The following AGAP1 variants were observed in gnomAD, a reference collection of about 807,000 sequenced individuals.
AGAP1 encodes ArfGAP with GTPase domain, ankyrin repeat and PH domain 1.
A neutral mutation model predicts 105.3 loss-of-function variants in AGAP1; 29 were observed. The ratio of observed to expected loss-of-function variants is 0.28; its 90% confidence interval spans 0.21 to 0.38. AGAP1 has a LOEUF of 0.38. AGAP1 is among the 10% of genes least tolerant of loss of function. AGAP1 has a pLI of 1.00. For synonymous variants in AGAP1, 509 were observed against 485.9 expected, an observed-to-expected ratio of 1.05 and a Z score of -0.63; for missense variants, 998 against 1,165.1, an observed-to-expected ratio of 0.86 and a Z score of 2.09.
chr2:235,617,651 G>A (rs1022455159), intron 1 of AGAP1, among the ~76,000 whole-genome samples: 3 of 152,126 alleles, frequency 2.0e-5, no homozygotes, highest in Non-Finnish European at 4.4e-5. Flanking sequence ...GCAGTGAGCC[G>A]AGATCCCGCC....
chr2:235,630,757 A>T (rs917963038), intron 1 of AGAP1, among the ~76,000 whole-genome samples: 1 of 152,130 alleles, frequency 6.6e-6, no homozygotes, highest in African/African-American at 2.4e-5. Context: ...GTGCAGGTAC[A>T]TTTGTCCTTC....
intron 6 of AGAP1, among the ~76,000 whole-genome samples, chr2:235,785,405 T>C (rs1471348126): frequency 6.6e-6 from 1 of 152,230 alleles, no homozygotes; most frequent in African/African-American, 2.4e-5. Context: ...AGAAAACCAA[T>C]TATTGCACTT....
chr2:235,643,633 AC>A (rs891455142), intron 1 of AGAP1, among the ~76,000 whole-genome samples: 14 of 151,356 alleles, frequency 9.2e-5, no homozygotes, highest in Admixed American at 8.6e-4. Flanking sequence ...GAGCCCCCAA[AC>A]ATCTCCCCTG....
Position 235,750,359 on chromosome 2 carries a change from A to T in AGAP1, c.544A>T (p.Ile182Leu), listed in dbSNP as rs553582318. Residue 182 changes from isoleucine to leucine, a missense_variant, in exon 6 of 18, where the codon ATA (isoleucine) becomes TTA (leucine). Ile to Leu is a conservative substitution (Grantham distance 5). Coordinates refer to ENST00000304032, the MANE Select transcript of AGAP1 (RefSeq NM_001037131.3). The surrounding 1 kb of genome is among the most constrained non-coding windows in gnomAD (Gnocchi z 5.3). ...PLVLVGTQDA[I>L]SSANPRVIDD... ...TTTTTGGTCTTCTGTTCCAGATGCCATAAGTTCTGCTAACCCGAGGGTCAT... is the reference window on the plus strand; with the variant it reads ...TTTTTGGTCTTCTGTTCCAGATGCCTTAAGTTCTGCTAACCCGAGGGTCAT... 1 of 1,614,188 alleles carries T rather than the reference A, an allele frequency of 6.2e-7. No individual in the cohort carries two copies. Among genetic ancestry groups the T allele is most frequent in the South Asian group, 1.1e-5 (1 of 91,082 alleles).
At chr2:235,520,699 C>G (rs560794445) in intron 1 of AGAP1, among the ~76,000 whole-genome samples, 19 of 152,208 alleles carry the variant, frequency 1.2e-4, no homozygotes, top group African/African-American at 4.1e-4. Flanking sequence ...TGAGATAATT[C>G]TATGAAGAGT....
Position 235,734,634 on chromosome 2 carries a change from A to G in AGAP1, c.311-6329A>G, listed in dbSNP as rs1346842192. ...TGTCTGTCTTTTTAGTTTCCTAAGC[A>G]CAGTGATGATTATTGGAGCTAAAGA... On this transcript the variant is annotated intron_variant, in intron 3 of 17. Transcript: ENST00000304032. The surrounding 1 kb of genome is among the most constrained non-coding windows in gnomAD (Gnocchi z 5.3). Among the ~76,000 whole-genome samples the G allele has an allele frequency of 1.3e-5, 2 of 152,212 alleles. No individual in the cohort carries two copies. Among genetic ancestry groups the G allele is most frequent in the African/African-American group, 2.4e-5 (1 of 41,448 alleles).
At chr2:236,033,767 G>C (rs996782563) in intron 13 of AGAP1, among the ~76,000 whole-genome samples, 2 of 152,242 alleles carry the variant, frequency 1.3e-5, no homozygotes, top group African/African-American at 2.4e-5. Flanking sequence ...TACAAGCTCA[G>C]CTCTTAGCCT....
chr2:235,558,750 A>G (rs1255621020), intron 1 of AGAP1, among the ~76,000 whole-genome samples: 1 of 152,194 alleles, frequency 6.6e-6, no homozygotes, highest in African/African-American at 2.4e-5. Context: ...GCAACTTACA[A>G]TAATGCCGTT....
At chr2:235,580,037 T>G (rs996498524) in intron 1 of AGAP1, among the ~76,000 whole-genome samples, 57 of 152,298 alleles carry the variant, frequency 3.7e-4, no homozygotes, top group African/African-American at 1.4e-3. Flanking sequence ...TCCCTTAATA[T>G]AATGTTTTTG....
rs76941285 is a variant in AGAP1, at chr2:235,742,292, A to C, written c.396+1244A>C. 3.4e-4 allele frequency among the ~76,000 whole-genome samples: 52 copies of C among 152,292 alleles called. No homozygotes were observed. The East Asian group carries it at 9.5e-3, about 28-fold the overall frequency. On this transcript the variant is annotated intron_variant, in intron 4 of 17. Coordinates refer to ENST00000304032, the MANE Select transcript of AGAP1 (RefSeq NM_001037131.3). ...ATACAGAAGATGCCACAGATTTGCC[A>C]TGTTGCATTGACTCTGACCATTGAC...
Position 236,121,810 on chromosome 2 carries a change from G to A in AGAP1, c.2370+1363G>A, listed in dbSNP as rs1328667538. Among the ~76,000 whole-genome samples the A allele has an allele frequency of 6.6e-6, 1 of 152,122 alleles. No individual in the cohort carries two copies. Among genetic ancestry groups the A allele is most frequent in the Non-Finnish European group, 1.5e-5 (1 of 68,032 alleles). ...CAGACATTTATTTTTTCACAGTTCTGGAGGCTGGAAGTACAAGATCAAAGG... is the reference window on the plus strand; with the variant it reads ...CAGACATTTATTTTTTCACAGTTCTAGAGGCTGGAAGTACAAGATCAAAGG... On this transcript the variant is annotated intron_variant, in intron 17 of 17. Coordinates refer to ENST00000304032, the MANE Select transcript of AGAP1 (RefSeq NM_001037131.3). The surrounding 1 kb of genome is among the most constrained non-coding windows in gnomAD (Gnocchi z 4.9).
At chr2:235,682,474 C>G (rs148696521) in intron 1 of AGAP1, among the ~76,000 whole-genome samples, 1 of 152,124 alleles carries the variant, frequency 6.6e-6, no homozygotes, top group South Asian at 2.1e-4. Context: ...TCTCGAGTAG[C>G]TGGGATTACA....
chr2:236,016,401 G>A (rs1276517764), intron 13 of AGAP1, among the ~76,000 whole-genome samples: 2 of 46,806 alleles, frequency 4.3e-5, no homozygotes, highest in Non-Finnish European at 4.4e-5. Flanking sequence ...TTTTTTTTTT[G>A]TATGCATGTG....
intron 1 of AGAP1, among the ~76,000 whole-genome samples, chr2:235,527,436 T>A (rs1424628969): frequency 6.6e-6 from 1 of 152,190 alleles, no homozygotes; most frequent in Non-Finnish European, 1.5e-5. Flanking sequence ...AGTGGCACGA[T>A]CATGGCTCTC....
intron 2 of AGAP1, among the ~76,000 whole-genome samples, chr2:235,713,464 G>A (rs1281553062): frequency 6.6e-6 from 1 of 152,208 alleles, no homozygotes; most frequent in Non-Finnish European, 1.5e-5. Context: ...GTACTCATCC[G>A]TTCTTTTACT....
At chr2:235,897,681 A>G (rs1364977550) in intron 10 of AGAP1, among the ~76,000 whole-genome samples, 2 of 152,194 alleles carry the variant, frequency 1.3e-5, no homozygotes, top group Non-Finnish European at 2.9e-5. Context: ...TAAATAAATC[A>G]AATCCCTCTG....
chr2:235,967,530 G>GA lies in AGAP1; in HGVS notation c.1484-928dup, dbSNP rs1559705359. Reference sequence around the variant, plus strand: ...ATCAATGATGGCTGCCAAGCATCTTGAAAAGCCGCTGGCTCACAGTCAGTG... The same window carrying GA: ...ATCAATGATGGCTGCCAAGCATCTTGAAAAAGCCGCTGGCTCACAGTCAGTG... On this transcript the variant is annotated intron_variant, in intron 12 of 17. Transcript: ENST00000304032. The surrounding 1 kb of genome is among the most constrained non-coding windows in gnomAD (Gnocchi z 4.7). 2.0e-5 allele frequency among the ~76,000 whole-genome samples: 3 copies of GA among 152,200 alleles called. No homozygotes were observed. Among genetic ancestry groups the GA allele is most frequent in the Non-Finnish European group, 2.9e-5 (2 of 68,050 alleles).
At chr2:235,516,866 T>C (rs1243714058) in intron 1 of AGAP1, among the ~76,000 whole-genome samples, 1 of 152,206 alleles carries the variant, frequency 6.6e-6, no homozygotes, top group East Asian at 1.9e-4. Context: ...GACTGAACTT[T>C]CTTCTTTGGT....
At position 235,714,598 on chromosome 2, in the gene AGAP1, G is replaced by A. The variant is rs1951005507; in HGVS notation, c.223-2959G>A. Among the ~76,000 whole-genome samples, 3 of 151,700 alleles carry A rather than the reference G, an allele frequency of 2.0e-5. No individual in the cohort carries two copies. The highest frequency in any genetic ancestry group is 2.1e-4 in the South Asian group (1 of 4,810). On this transcript the variant is annotated intron_variant, in intron 2 of 17. Coordinates refer to ENST00000304032, the MANE Select transcript of AGAP1 (RefSeq NM_001037131.3). This position sits in a 1 kb window ranked among gnomAD's most constrained non-coding sequence, Gnocchi z 4.1. ...AACTGGGGTGTAAGAGGACAGGACC[G>A]AGCATAGGTTTTAGAAAGGCCACTC...
Sources: allele counts gnomAD v4.1 joint callset (sites outside exome capture counted in the v4.1 genomes callset), GRCh38; gene constraint gnomAD v4.1.1; non-coding constraint Gnocchi (gnomAD v3.1); transcripts MANE v1.5; gene names NCBI Gene and HGNC (gene_info 2026-07-23, HGNC 2026-07-21).